S100Z: variants seen among roughly 807,000 people sequenced by gnomAD.
S100Z encodes protein S100-Z.
S100Z carries 11 observed loss-of-function variants against 8.5 expected under a neutral mutation model. The ratio of observed to expected loss-of-function variants is 1.30; its 90% confidence interval spans 0.82 to 2.15. The LOEUF is 2.15. Ranked by LOEUF, S100Z falls within the 30% of genes most tolerant of loss-of-function variation. S100Z has a pLI of 0.00. For synonymous variants in S100Z, 34 were observed against 43.8 expected, an observed-to-expected ratio of 0.78 and a Z score of 0.89; for missense variants, 126 against 117.9, an observed-to-expected ratio of 1.07 and a Z score of -0.32.
At chr5:76,910,762 G>C (rs2150679647) in intron 4 of S100Z, among the ~76,000 whole-genome samples, 1 of 152,286 alleles carries the variant, frequency 6.6e-6, no homozygotes, top group East Asian at 1.9e-4. Flanking sequence ...TTGAGGGCCA[G>C]GAAATTGACT....
intron 4 of S100Z, among the ~76,000 whole-genome samples, chr5:76,893,935 A>G: frequency 6.6e-6 from 1 of 152,158 alleles, no homozygotes; most frequent in African/African-American, 2.4e-5. Context: ...GCATTTAAAC[A>G]AAAAATAAAG....
chr5:76,938,754 G>A, the S100Z span, among the ~76,000 whole-genome samples: 5 of 152,158 alleles, frequency 3.3e-5, no homozygotes, highest in East Asian at 5.8e-4. Context: ...TAATTTTTAT[G>A]TATGGTGTGA....
chr5:76,906,976 G>GTATATATATATATATATATA (rs869046562), intron 4 of S100Z, among the ~76,000 whole-genome samples: 1 of 21,798 alleles, frequency 4.6e-5, no homozygotes, highest in Non-Finnish European at 9.4e-5. Flanking sequence ...TTGTGTGTGT[G>GTATATATATATATATATATA]TATATATATA....
At chr5:76,936,658 A>C in the S100Z span, among the ~76,000 whole-genome samples, 443 of 62,006 alleles carry the variant, frequency 7.1e-3, 1 homozygote, top group African/African-American at 0.014. Flanking sequence ...CACACACACA[A>C]CCATGAAGGA....
chr5:76,901,933 C>T (rs1744243782), intron 4 of S100Z, among the ~76,000 whole-genome samples: 2 of 152,280 alleles, frequency 1.3e-5, no homozygotes, highest in South Asian at 4.1e-4. Flanking sequence ...GTGATGAATG[C>T]TGCCAGGACC....
At chr5:76,949,202 C>G in the S100Z span, among the ~76,000 whole-genome samples, 1 of 152,174 alleles carries the variant, frequency 6.6e-6, no homozygotes, top group Non-Finnish European at 1.5e-5. Context: ...TCCTGGCTAA[C>G]ACGGTGAAAC....
chr5:76,944,950 G>T, the S100Z span, among the ~76,000 whole-genome samples: 1 of 152,180 alleles, frequency 6.6e-6, no homozygotes, highest in African/African-American at 2.4e-5. Context: ...GAGTAAGGCT[G>T]AAGGGAGTTG....
chr5:76,931,785 C>T, the S100Z span, among the ~76,000 whole-genome samples: 2 of 147,368 alleles, frequency 1.4e-5, no homozygotes, highest in Admixed American at 1.4e-4. Flanking sequence ...AAAGAAAGAA[C>T]ATTTGGGTTT....
intron 2 of S100Z, among the ~76,000 whole-genome samples, chr5:76,870,684 C>CA (rs1471451520): frequency 2.0e-5 from 3 of 151,952 alleles, no homozygotes; most frequent in African/African-American, 7.3e-5. Context: ...TGTGGTCCAG[C>CA]AGGCTGTTGG....
Position 76,885,500 on chromosome 5 carries a change from A to G in S100Z, c.*2+7666A>G, listed in dbSNP as rs1218779723. ...GTGCTTGCCCCCCAGGAAAGTAGGA[A>G]CGGGTTGGGAGGTGCTTGTCCCCCA... On this transcript the variant is annotated intron_variant, in intron 4 of 4. Coordinates refer to ENST00000317593, the MANE Select transcript of S100Z (RefSeq NM_130772.4). Among the ~76,000 whole-genome samples, 24 of 114,800 alleles carry G rather than the reference A, an allele frequency of 2.1e-4. 2 individuals are homozygous for G. The highest frequency in any genetic ancestry group is 8.8e-4 in the African/African-American group (24 of 27,252). The allele number at this position is 114,800 out of a possible 152,430, so 75.3% of individuals were successfully genotyped here. A position where few individuals can be genotyped will look rare whatever the true frequency, so the allele number is the denominator to read the frequency against.
rs539495905 is a variant in S100Z at position 76,863,578 on chromosome 5, G to A, written c.-175-6588G>A. ...TTTTGAGGCAGAGTCTCACTCTGTT[G>A]CCCAGGCTGGAGTGCAGTGGCGCGA... is the stretch of plus-strand genomic sequence containing the variant. On this transcript the variant is annotated intron_variant, in intron 1 of 4. Transcript: ENST00000317593. Among the ~76,000 whole-genome samples, 20 of 152,078 alleles carry A rather than the reference G, an allele frequency of 1.3e-4. No individual in the cohort carries two copies. In the South Asian group the frequency reaches 1.7e-3, roughly 13 times the overall value.
At chr5:76,904,442 G>A (rs1055768598) in intron 4 of S100Z, among the ~76,000 whole-genome samples, 4 of 152,006 alleles carry the variant, frequency 2.6e-5, no homozygotes, top group African/African-American at 9.7e-5. Flanking sequence ...CATCATGCCT[G>A]GCTAATTTTT....
intron 4 of S100Z, among the ~76,000 whole-genome samples, chr5:76,898,928 CTTTTCTTTTTTT>C (rs201463423): frequency 0.029 from 2,107 of 73,320 alleles, 64 homozygotes; most frequent in East Asian, 0.17. Context: ...CTGGGCTTTT[CTTTTCTTTTTTT>C]TTTTTTTTTT....
the S100Z span, among the ~76,000 whole-genome samples, chr5:76,951,942 T>A: frequency 2.0e-5 from 3 of 152,224 alleles, no homozygotes. Flanking sequence ...TCGAGTATTT[T>A]AAAACTGAAA....
chr5:76,910,643 T>C (rs1580060298), intron 4 of S100Z, among the ~76,000 whole-genome samples: 1 of 152,194 alleles, frequency 6.6e-6, no homozygotes, highest in Admixed American at 6.5e-5. Flanking sequence ...ACAAAGGTTC[T>C]CTGGGTCAGA....
rs1422288148 is a variant in S100Z at position 76,903,269 on chromosome 5, T to C, written c.*3-17448T>C. Among the ~76,000 whole-genome samples the C allele has an allele frequency of 3.9e-5, 6 of 152,310 alleles. No individual in the cohort carries two copies. In the East Asian group the frequency reaches 1.2e-3, roughly 29 times the overall value. On this transcript the variant is annotated intron_variant, in intron 4 of 4. Coordinates refer to ENST00000317593, the MANE Select transcript of S100Z (RefSeq NM_130772.4). ...TTATCCCCTAGAGACCACTGATTAG[T>C]TTTTTGTTTTCATGGTTTTGCGTTT...
intron 4 of S100Z, among the ~76,000 whole-genome samples, chr5:76,918,638 CA>C (rs1744932889): frequency 1.3e-5 from 2 of 152,230 alleles, no homozygotes; most frequent in Non-Finnish European, 2.9e-5. Context: ...TCCCCATTAT[CA>C]ACATCTCCCA....
chr5:76,925,400 A>G (rs559353915), downstream of S100Z, among the ~76,000 whole-genome samples: 147 of 152,266 alleles, frequency 9.7e-4, 2 homozygotes, highest in African/African-American at 3.4e-3. Context: ...AGAGGATGGG[A>G]AACTTCCTCC....
intron 4 of S100Z, among the ~76,000 whole-genome samples, chr5:76,890,248 T>C (rs1260023474): frequency 6.6e-6 from 1 of 152,188 alleles, no homozygotes; most frequent in Non-Finnish European, 1.5e-5. Flanking sequence ...GGTCTTGAAC[T>C]CCTGACCTCA....
Sources: allele counts gnomAD v4.1 joint callset (sites outside exome capture counted in the v4.1 genomes callset), GRCh38; gene constraint gnomAD v4.1.1; transcripts MANE v1.5; gene names NCBI Gene and HGNC (gene_info 2026-07-23, HGNC 2026-07-21).